CREBBP: variants seen among roughly 807,000 people sequenced by gnomAD.
CREBBP encodes CREB-binding protein.
Under a neutral mutation model 265.0 loss-of-function variants are expected in CREBBP, and 19 were observed. That is an observed-to-expected ratio of 0.07 (90% CI 0.05 to 0.11). The LOEUF is 0.11. CREBBP is among the 10% of genes least tolerant of loss of function. CREBBP has a pLI of 1.00. For synonymous variants in CREBBP, 1,457 were observed against 1,223.7 expected (o/e 1.19, Z -3.98); for missense variants, 2,525 against 3,219.0 (o/e 0.78, Z 5.22).
chr16:3,810,547 C>A (rs2053917520), intron 3 of CREBBP, 56 bp downstream of exon 3: 1 of 1,595,482 alleles, frequency 6.3e-7, no homozygotes, highest in African/African-American at 1.3e-5. Flanking sequence ...GGTAAAAATC[C>A]ACAGACCACA....
At position 3,839,232 on chromosome 16, in the gene CREBBP, C is replaced by T. The variant is rs1196583869; in HGVS notation, c.798+11065G>A. 2.0e-5 allele frequency among the ~76,000 whole-genome samples: 3 copies of T among 152,312 alleles called. No individual in the cohort carries two copies. The South Asian group carries it at 6.2e-4, about 32-fold the overall frequency. On this transcript the variant is annotated intron_variant, in intron 2 of 30. Coordinates refer to ENST00000262367, the MANE Select transcript of CREBBP (RefSeq NM_004380.3). Reference sequence around the variant, plus strand: ...CTGAGTCAGCTTATTCCAGAGCCCACGCCAGGCTTGAAAGCAATTAGCCAC... The same window carrying T: ...CTGAGTCAGCTTATTCCAGAGCCCATGCCAGGCTTGAAAGCAATTAGCCAC...
chr16:3,762,535 C>T (rs1247486425), intron 16 of CREBBP, among the ~76,000 whole-genome samples: 1 of 151,830 alleles, frequency 6.6e-6, no homozygotes, highest in Non-Finnish European at 1.5e-5. Flanking sequence ...AAGAAGATCC[C>T]ATATGTGCAG....
intron 3 of CREBBP, among the ~76,000 whole-genome samples, chr16:3,802,424 G>A (rs766995014): frequency 2.6e-4 from 39 of 151,796 alleles, no homozygotes; most frequent in Non-Finnish European, 4.1e-4. Flanking sequence ...GAGCCACCGC[G>A]CCCAGCCTAT....
intron 2 of CREBBP, among the ~76,000 whole-genome samples, chr16:3,831,894 G>A (rs2054350251): frequency 1.3e-5 from 2 of 152,180 alleles, no homozygotes; most frequent in South Asian, 2.1e-4. Flanking sequence ...CTACTTGGGA[G>A]GCTGACGTGG....
chr16:3,725,966 T>G lies in CREBBP; in HGVS notation c.*1752A>C. On this transcript the variant is annotated 3_prime_UTR_variant, in exon 31 of 31. Coordinates refer to ENST00000262367, the MANE Select transcript of CREBBP (RefSeq NM_004380.3). ...TGGTCCTCCTCTCAGTTTTACGGTT[T>G]TTGTGAACTTGTCTCACCCACTCAG... The G allele has an allele frequency of 4.3e-6, 1 of 232,996 alleles. No homozygotes were observed. Among genetic ancestry groups the G allele is most frequent in the Non-Finnish European group, 8.5e-6 (1 of 117,884 alleles). 14.4% of individuals were successfully genotyped at this position (232,996 alleles called of 1,614,324 possible).
chr16:3,730,068 T>G (rs893598592), intron 30 of CREBBP, among the ~76,000 whole-genome samples, 194 bp from the exon 31 acceptor site: 1 of 152,032 alleles, frequency 6.6e-6, no homozygotes, highest in African/African-American at 2.4e-5. Context: ...GATGGGATCA[T>G]GGACGGGATG....
intron 28 of CREBBP, among the ~76,000 whole-genome samples, chr16:3,732,177 G>A (rs1325665400): frequency 2.6e-5 from 4 of 152,240 alleles, no homozygotes; most frequent in Non-Finnish European, 5.9e-5. Flanking sequence ...CTCTAAAGGG[G>A]AAAAGAGACC....
At chr16:3,793,011 C>T (rs776412960) in intron 4 of CREBBP, among the ~76,000 whole-genome samples, 8 of 152,180 alleles carry the variant, frequency 5.3e-5, no homozygotes, top group East Asian at 1.9e-4. Flanking sequence ...TGTGCCTGCA[C>T]GTGCCTGTGC....
At chr16:3,752,254 G>C (rs978957856) in intron 19 of CREBBP, among the ~76,000 whole-genome samples, 1 of 152,148 alleles carries the variant, frequency 6.6e-6, no homozygotes, top group Non-Finnish European at 1.5e-5. Context: ...TATAACTCCA[G>C]GGTTTGAGAT....
At chr16:3,766,354 T>C (rs751370876) in intron 16 of CREBBP, among the ~76,000 whole-genome samples, 1 of 152,220 alleles carries the variant, frequency 6.6e-6, no homozygotes, top group Non-Finnish European at 1.5e-5. Context: ...ATTTTCTTCA[T>C]ACACTTCAAC....
intron 21 of CREBBP, among the ~76,000 whole-genome samples, chr16:3,745,918 G>T (rs2052331365): frequency 6.6e-6 from 1 of 152,196 alleles, no homozygotes; most frequent in Non-Finnish European, 1.5e-5. Context: ...GTTGACAAGG[G>T]TTTATTCAAG....
intron 3 of CREBBP, among the ~76,000 whole-genome samples, chr16:3,798,409 T>C (rs1215302731): frequency 6.6e-6 from 1 of 152,176 alleles, no homozygotes; most frequent in Non-Finnish European, 1.5e-5. Context: ...AGAGAAAATA[T>C]TTGCAAATCA....
chr16:3,751,635 C>T (rs1323688149), intron 20 of CREBBP, 91 bp downstream of exon 20: 3 of 1,289,634 alleles, frequency 2.3e-6, no homozygotes, highest in African/African-American at 2.9e-5. Context: ...CAAAATGGCA[C>T]CGGTACCTTC....
intron 13 of CREBBP, among the ~76,000 whole-genome samples, chr16:3,771,974 C>T (rs1300527840): frequency 3.3e-5 from 5 of 151,856 alleles, no homozygotes; most frequent in Non-Finnish European, 7.4e-5. Flanking sequence ...CCATGCCTAG[C>T]TAATTAATTT....
chr16:3,815,645 A>G (rs948448451), intron 2 of CREBBP, among the ~76,000 whole-genome samples: 13 of 151,544 alleles, frequency 8.6e-5, no homozygotes, highest in African/African-American at 2.9e-4. Context: ...TAATCTTTTA[A>G]AAAGTTTTTT....
intron 25 of CREBBP, 119 bp downstream of exon 25, chr16:3,739,459 G>T (rs1394991933): frequency 9.1e-6 from 11 of 1,210,982 alleles, no homozygotes; most frequent in African/African-American, 1.5e-5. Flanking sequence ...GTTAATTGTG[G>T]TTTCATTTAC....
chr16:3,816,302 G>C (rs2054035125), intron 2 of CREBBP, among the ~76,000 whole-genome samples: 2 of 152,166 alleles, frequency 1.3e-5, no homozygotes, highest in African/African-American at 2.4e-5. Context: ...ACTTCACTCA[G>C]AGAGTAAAAA....
At chr16:3,824,366 T>C (rs569278165) in intron 2 of CREBBP, among the ~76,000 whole-genome samples, 1 of 152,314 alleles carries the variant, frequency 6.6e-6, no homozygotes, top group East Asian at 1.9e-4. Flanking sequence ...TCTAATCAAA[T>C]AATCTAAATG....
chr16:3,876,399 CAAAAAAAAAAAA>C (rs71133663), intron 1 of CREBBP, among the ~76,000 whole-genome samples: 17 of 18,164 alleles, frequency 9.4e-4, no homozygotes, highest in South Asian at 6.3e-3. Context: ...TAAAGCTGAC[CAAAAAAAAAAAA>C]AAAAAAAAAA....
Sources: gnomAD v4.1 joint callset for allele counts (sites outside exome capture counted in the v4.1 genomes callset) on GRCh38, gnomAD v4.1.1 for gene constraint, MANE v1.5 for transcripts, NCBI Gene and HGNC (gene_info 2026-07-23, HGNC 2026-07-21) for gene names.